Variants in MYO16 observed in about 807,000 individuals in gnomAD.
MYO16 encodes myosin XVI, also known as unconventional myosin-XVI.
MYO16 carries 94 observed loss-of-function variants against 205.3 expected under a neutral mutation model. The observed-to-expected ratio is 0.46, with a 90% CI of 0.39 to 0.54. The LOEUF (loss-of-function observed/expected upper bound fraction) is 0.54. Among genes scored for constraint, MYO16 ranks in the 20% least tolerant of loss-of-function variants. The pLI is 0.00. For synonymous variants in MYO16, 988 were observed against 954.0 expected (o/e 1.04, Z -0.66); for missense variants, 2,315 against 2,387.5 (o/e 0.97, Z 0.63).
At position 109,141,002 on chromosome 13, in the gene MYO16, C is replaced by T; in HGVS notation, c.4790C>T (p.Pro1597Leu). The T allele has an allele frequency of 2.3e-6, 3 of 1,321,032 alleles. No homozygotes were observed. The highest frequency in any genetic ancestry group is 2.9e-6 in the Non-Finnish European group (3 of 1,037,802). The allele number at this position is 1,321,032 out of a possible 1,614,324, so 81.8% of individuals were successfully genotyped here. A position where few individuals can be genotyped will look rare whatever the true frequency, so the allele number is the denominator to read the frequency against. The change falls in exon 32 of 35, where the codon CCG (proline) becomes CTG (leucine). Residue 1597 changes from proline (P) to leucine (L), a missense_variant. Pro to Leu is a moderately conservative substitution (Grantham distance 98). Transcript: ENST00000457511. This position sits in a 1 kb window ranked among gnomAD's most constrained non-coding sequence, Gnocchi z 4.1. ...GCCTCCCCGCCGTCCACGCCGCCCC[C>T]GCCCCCGCCCCCGCCCGGGCCGCCC... is the stretch of plus-strand genomic sequence containing the variant. ...GRASPPSTPP[P>L]PPPPPGPPPA...
chr13:108,785,551 C>T (rs980477644), intron 4 of MYO16, 84 bp from the exon 5 acceptor site: 2 of 723,774 alleles, frequency 2.8e-6, no homozygotes, highest in Non-Finnish European at 4.3e-6. Flanking sequence ...GCATCTGTTT[C>T]CCAACTAAGA....
At chr13:108,840,337 A>G (rs1877177610) in intron 9 of MYO16, among the ~76,000 whole-genome samples, 1 of 151,926 alleles carries the variant, frequency 6.6e-6, no homozygotes, top group Non-Finnish European at 1.5e-5. Flanking sequence ...TTTTTTATTC[A>G]TGCTTTCCTA....
chr13:108,690,158 G>A (rs1487321739), intron 2 of MYO16, among the ~76,000 whole-genome samples: 1 of 152,018 alleles, frequency 6.6e-6, no homozygotes, highest in Non-Finnish European at 1.5e-5. Context: ...AAACAAAAAT[G>A]CACTTGTACA....
At chr13:108,689,730 C>T (rs1350483014) in intron 2 of MYO16, among the ~76,000 whole-genome samples, 1 of 151,746 alleles carries the variant, frequency 6.6e-6, no homozygotes, top group African/African-American at 2.4e-5. Context: ...AAAATAGCAG[C>T]AAAGAAGTTA....
chr13:108,783,861 CTG>C (rs1426300734), intron 4 of MYO16, among the ~76,000 whole-genome samples: 2 of 152,190 alleles, frequency 1.3e-5, no homozygotes, highest in East Asian at 3.9e-4. Context: ...GCTTGTGAAA[CTG>C]TGAGTCCAAT....
At chr13:108,849,904 C>T (rs1262352335) in intron 10 of MYO16, among the ~76,000 whole-genome samples, 1 of 136,660 alleles carries the variant, frequency 7.3e-6, no homozygotes, top group African/African-American at 2.8e-5. Flanking sequence ...TTTTTTAACT[C>T]ATCCATACTG....
chr13:109,021,702 G>T (rs1217413985), intron 23 of MYO16, among the ~76,000 whole-genome samples: 1 of 152,156 alleles, frequency 6.6e-6, no homozygotes. Context: ...GAAGTTCAGT[G>T]CAGGGTAGAA....
At chr13:109,095,503 A>G (rs1203992685) in intron 27 of MYO16, among the ~76,000 whole-genome samples, 1 of 152,248 alleles carries the variant, frequency 6.6e-6, no homozygotes, top group African/African-American at 2.4e-5. Flanking sequence ...ACATAACACT[A>G]ACATAGAGTA....
intron 4 of MYO16, among the ~76,000 whole-genome samples, chr13:108,754,845 G>A (rs965199469): frequency 3.3e-5 from 5 of 152,014 alleles, no homozygotes; most frequent in African/African-American, 1.2e-4. Flanking sequence ...TATTAGTTTG[G>A]CATTACACTC....
intron 4 of MYO16, among the ~76,000 whole-genome samples, chr13:108,780,532 T>C (rs558229183): frequency 8.5e-5 from 13 of 152,186 alleles, no homozygotes; most frequent in Admixed American, 5.2e-4. Flanking sequence ...TCTGGAATGA[T>C]TGAAGGTAGG....
chr13:109,014,573 C>T (rs1318694214), intron 22 of MYO16, among the ~76,000 whole-genome samples: 5 of 152,114 alleles, frequency 3.3e-5, no homozygotes, highest in South Asian at 2.1e-4. Context: ...GCCATTTTCA[C>T]GATATTGATT....
chr13:108,647,721 C>T lies in MYO16; in HGVS notation c.28+17849C>T, dbSNP rs550399381. Among the ~76,000 whole-genome samples the T allele has an allele frequency of 1.1e-4, 17 of 152,282 alleles. No homozygotes were observed. In the South Asian group the frequency reaches 3.1e-3, roughly 28 times the overall value. ...GAGTTAACTTAGCACTTTGTCCATT[C>T]CTCTTTTTTAGATATAGGTATATTT... is the stretch of plus-strand genomic sequence containing the variant. On this transcript the variant is annotated intron_variant, in intron 1 of 34. Transcript: ENST00000457511.
At chr13:109,200,688 T>C (rs1880359305) in intron 34 of MYO16, among the ~76,000 whole-genome samples, 1 of 151,944 alleles carries the variant, frequency 6.6e-6, no homozygotes, top group Non-Finnish European at 1.5e-5. Flanking sequence ...TGGGACTTTT[T>C]TTTTTTTTTT....
chr13:109,123,892 C>T (rs1003901440), intron 29 of MYO16, among the ~76,000 whole-genome samples: 3 of 152,170 alleles, frequency 2.0e-5, no homozygotes, highest in African/African-American at 7.2e-5. Context: ...TTCCTCCTTT[C>T]CCAAGGGCAA....
At chr13:108,695,754 C>A (rs925057843) in intron 2 of MYO16, among the ~76,000 whole-genome samples, 1 of 152,014 alleles carries the variant, frequency 6.6e-6, no homozygotes, top group African/African-American at 2.4e-5. Context: ...AAATAAAACA[C>A]ATCAAAAATT....
intron 32 of MYO16, among the ~76,000 whole-genome samples, chr13:109,147,544 A>G (rs1244360360): frequency 6.6e-6 from 1 of 152,128 alleles, no homozygotes; most frequent in Non-Finnish European, 1.5e-5. Context: ...ACATCCCATA[A>G]TGGGATGCAG....
At chr13:108,852,222 C>G (rs917712402) in intron 10 of MYO16, among the ~76,000 whole-genome samples, 1 of 152,204 alleles carries the variant, frequency 6.6e-6, no homozygotes, top group Non-Finnish European at 1.5e-5. Flanking sequence ...CCTAACTTCT[C>G]CCCCCAGCCC....
At position 108,782,475 on chromosome 13, in the gene MYO16, A is replaced by G. The variant is rs1269193779; in HGVS notation, c.508-3160A>G. The stretch of plus-strand genomic sequence containing the variant: ...GGGAAACAGCATAAAAGTTCAGAAA[A>G]TTTGCAGCCTGACGATGTGGTAGAA... On this transcript the variant is annotated intron_variant, in intron 4 of 34. Coordinates refer to ENST00000457511, the MANE Select transcript of MYO16 (RefSeq NM_001198950.3). Among the ~76,000 whole-genome samples, 4 of 152,200 alleles carry G rather than the reference A, an allele frequency of 2.6e-5. 1 individual carries two copies. Among genetic ancestry groups the G allele is most frequent in the African/African-American group, 9.7e-5 (4 of 41,438 alleles).
chr13:108,767,790 T>A (rs1382220508), intron 4 of MYO16, among the ~76,000 whole-genome samples: 1 of 152,194 alleles, frequency 6.6e-6, no homozygotes, highest in African/African-American at 2.4e-5. Context: ...ATATGAATTT[T>A]TACACTTAGC....
Sources: gnomAD v4.1 joint callset for allele counts (sites outside exome capture counted in the v4.1 genomes callset) on GRCh38, gnomAD v4.1.1 for gene constraint, Gnocchi (gnomAD v3.1) non-coding constraint, MANE v1.5 for transcripts, NCBI Gene and HGNC (gene_info 2026-07-23, HGNC 2026-07-21) for gene names.